Variants in METTL25 observed in about 807,000 individuals in gnomAD.
METTL25 encodes probable methyltransferase-like protein 25.
Under a neutral mutation model 71.6 loss-of-function variants are expected in METTL25, and 64 were observed. The observed-to-expected ratio is 0.89, with a 90% CI of 0.73 to 1.10. The LOEUF (loss-of-function observed/expected upper bound fraction) is 1.10, where lower values mean the gene tolerates loss of function less well. Ranked by LOEUF, METTL25 falls within the 50% of genes least tolerant of loss-of-function variation. The probability of loss-of-function intolerance (pLI) is 0.00; values close to 1 mark genes in which losing one functional copy is unlikely to be tolerated. For synonymous variants in METTL25, 287 were observed against 250.3 expected (o/e 1.15, Z -1.38); for missense variants, 807 against 707.0 (o/e 1.14, Z -1.60).
intron 5 of METTL25, among the ~76,000 whole-genome samples, chr12:82,413,821 CTACTT>C (rs1269814966): frequency 2.6e-5 from 4 of 151,624 alleles, no homozygotes; most frequent in Admixed American, 1.3e-4. Flanking sequence ...AATAAATACT[CTACTT>C]TCCTGCTATG....
intron 5 of METTL25, among the ~76,000 whole-genome samples, chr12:82,425,100 A>G (rs967113932): frequency 1.3e-5 from 2 of 152,076 alleles, no homozygotes; most frequent in African/African-American, 4.8e-5. Flanking sequence ...TAGAGAAGGT[A>G]TAGTTAGGGG....
intron 5 of METTL25, among the ~76,000 whole-genome samples, chr12:82,423,685 C>T (rs866756788): frequency 1.3e-5 from 2 of 152,198 alleles, no homozygotes; most frequent in South Asian, 2.1e-4. Flanking sequence ...TGAACTCAAA[C>T]AAATTTACAA....
intron 7 of METTL25, among the ~76,000 whole-genome samples, chr12:82,436,206 A>G (rs1312601786): frequency 3.3e-5 from 5 of 151,626 alleles, no homozygotes; most frequent in East Asian, 3.9e-4. Flanking sequence ...GATATAGAGC[A>G]AAAGTTTAAT....
intron 9 of METTL25, among the ~76,000 whole-genome samples, chr12:82,457,331 G>GAAAAAAAAAAA (rs11412218): frequency 6.7e-6 from 1 of 150,126 alleles, no homozygotes; most frequent in Admixed American, 6.6e-5. Context: ...ACCACTGAGG[G>GAAAAAAAAAAA]AAAAAAAAAC....
chr12:82,449,291 T>C (rs996734908), intron 8 of METTL25, among the ~76,000 whole-genome samples: 1 of 152,218 alleles, frequency 6.6e-6, no homozygotes, highest in Non-Finnish European at 1.5e-5. Flanking sequence ...AATAATTCTT[T>C]ATGCCCAAAC....
intron 4 of METTL25, among the ~76,000 whole-genome samples, chr12:82,400,242 G>A (rs569901789): frequency 1.7e-3 from 261 of 151,944 alleles, no homozygotes; most frequent in Non-Finnish European, 3.2e-3. Context: ...TGAGGCAGGA[G>A]AATGGCATGA....
At chr12:82,415,643 G>A (rs978476137) in intron 5 of METTL25, among the ~76,000 whole-genome samples, 1 of 152,074 alleles carries the variant, frequency 6.6e-6, no homozygotes, top group Admixed American at 6.6e-5. Context: ...AAGAGAAGAC[G>A]GATGTCTCAG....
chr12:82,429,029 A>G (rs1479532153), intron 5 of METTL25, among the ~76,000 whole-genome samples: 1 of 151,874 alleles, frequency 6.6e-6, no homozygotes, highest in Non-Finnish European at 1.5e-5. Context: ...AGCATTTATC[A>G]TTTCTGTGTA....
intron 7 of METTL25, among the ~76,000 whole-genome samples, chr12:82,436,440 T>A (rs932375228): frequency 4.0e-5 from 6 of 151,602 alleles, no homozygotes; most frequent in Admixed American, 1.3e-4. Flanking sequence ...AGGCACAGAC[T>A]GTTCAGGAGA....
intron 5 of METTL25, among the ~76,000 whole-genome samples, chr12:82,425,687 C>A (rs1215459887): frequency 6.6e-6 from 1 of 151,902 alleles, no homozygotes; most frequent in Non-Finnish European, 1.5e-5. Flanking sequence ...CAAAACAAAG[C>A]GACTAAAGAT....
chr12:82,377,629 TA>T (rs1239210029), intron 1 of METTL25, among the ~76,000 whole-genome samples: 3 of 152,288 alleles, frequency 2.0e-5, no homozygotes, highest in East Asian at 1.9e-4. Flanking sequence ...GTTTAGGAAG[TA>T]AAAAACTACT....
intron 1 of METTL25, among the ~76,000 whole-genome samples, chr12:82,363,323 G>A (rs193120695): frequency 6.6e-6 from 1 of 152,280 alleles, no homozygotes; most frequent in East Asian, 1.9e-4. Flanking sequence ...TACAACTTGG[G>A]TGGTAAATAT....
chr12:82,475,346 G>A (rs1432486828), intron 9 of METTL25, among the ~76,000 whole-genome samples: 2 of 152,010 alleles, frequency 1.3e-5, no homozygotes, highest in Non-Finnish European at 2.9e-5. Flanking sequence ...TCAAAAAATG[G>A]CAAACTTTTA....
intron 5 of METTL25, among the ~76,000 whole-genome samples, chr12:82,416,867 C>T (rs114527298): frequency 6.2e-4 from 95 of 152,110 alleles, no homozygotes; most frequent in African/African-American, 1.6e-3. Context: ...ACCTTTTATC[C>T]GTAGGCAATA....
chr12:82,438,706 CA>C lies in METTL25; in HGVS notation c.1405-11del. The stretch of plus-strand genomic sequence containing the variant: ...TGTTTCTTGTGCTTATATATGTCTA[CA>C]TTTTTTTCAGCTGCCTACTGAATCA... On this transcript the variant is annotated splice_polypyrimidine_tract_variant and intron_variant, in intron 7 of 11. Coordinates refer to ENST00000248306, the MANE Select transcript of METTL25 (RefSeq NM_032230.3). 6.9e-7 allele frequency: 1 copy of C among 1,456,684 alleles called. No individual in the cohort carries two copies. Among genetic ancestry groups the C allele is most frequent in the East Asian group, 2.5e-5 (1 of 40,276 alleles). 90.2% of individuals were successfully genotyped at this position (1,456,684 alleles called of 1,614,324 possible). A position where few individuals can be genotyped will look rare whatever the true frequency, so the allele number is the denominator to read the frequency against.
chr12:82,364,085 A>G (rs2136807295), intron 1 of METTL25, among the ~76,000 whole-genome samples: 1 of 152,362 alleles, frequency 6.6e-6, no homozygotes, highest in Non-Finnish European at 1.5e-5. Context: ...TTGCTGCATA[A>G]CAAGTGGTTT....
At chr12:82,460,631 C>A (rs945349151) in intron 9 of METTL25, among the ~76,000 whole-genome samples, 1 of 152,182 alleles carries the variant, frequency 6.6e-6, no homozygotes, top group Non-Finnish European at 1.5e-5. Context: ...GAGAAACATT[C>A]TACAAAATAC....
chr12:82,460,959 C>T (rs900281600), intron 9 of METTL25, among the ~76,000 whole-genome samples: 28 of 152,166 alleles, frequency 1.8e-4, no homozygotes, highest in Middle Eastern at 3.4e-3. Context: ...CTGGCTAACA[C>T]AGTGAAACCC....
At chr12:82,384,918 A>T (rs1043678577) in intron 1 of METTL25, among the ~76,000 whole-genome samples, 18 of 152,026 alleles carry the variant, frequency 1.2e-4, no homozygotes, top group Admixed American at 6.6e-4. Context: ...GAGCTTGGGG[A>T]TGTTGAGACT....
Sources: gnomAD v4.1 joint callset for allele counts (sites outside exome capture counted in the v4.1 genomes callset) on GRCh38, gnomAD v4.1.1 for gene constraint, MANE v1.5 for transcripts, NCBI Gene and HGNC (gene_info 2026-07-23, HGNC 2026-07-21) for gene names.